The following MYO1F variants were observed in gnomAD, a reference collection of about 807,000 sequenced individuals.
MYO1F encodes the protein myosin IF.
In MYO1F, 60 loss-of-function variants were observed where a neutral mutation model predicts 146.6. The ratio of observed to expected loss-of-function variants is 0.41; its 90% confidence interval spans 0.33 to 0.51. MYO1F has a LOEUF of 0.51. Ranked by LOEUF, MYO1F falls within the 20% of genes least tolerant of loss-of-function variation. MYO1F has a pLI of 0.25. For missense variants in MYO1F, 1,274 were observed against 1,534.3 expected (o/e 0.83, Z 2.83); for synonymous variants, 602 against 602.1 (o/e 1.00, Z 0.00).
chr19:8,526,494 G>A lies in MYO1F; in HGVS notation c.2729C>T (p.Thr910Ile). Residue 910 changes from threonine to isoleucine, a missense_variant, in exon 24 of 28, where the codon ACC becomes ATC. Thr to Ile is a moderately conservative substitution (Grantham distance 89). Coordinates refer to ENST00000644032, the MANE Select transcript of MYO1F (RefSeq NM_012335.4). The stretch of plus-strand genomic sequence containing the variant: ...CCCATCGCCCACGCTGACCGTGAGG[G>A]TCCGACCGCCAACCTTGAGCACTGC... ...DLAVLKVGGRTLTVSVGDGLP... is the reference protein window; with the variant it reads ...DLAVLKVGGRILTVSVGDGLP... 1.9e-6 allele frequency: 3 copies of A among 1,572,012 alleles called. No homozygotes were observed. In the African/African-American group the frequency reaches 4.0e-5, roughly 21 times the overall value.
Position 8,577,269 on chromosome 19 carries a change from C to G in MYO1F, c.3+38G>C. On this transcript the variant is annotated intron_variant, in intron 1 of 27. Transcript: ENST00000644032. This position sits in a 1 kb window ranked among gnomAD's most constrained non-coding sequence, Gnocchi z 4.3. The stretch of plus-strand genomic sequence containing the variant: ...CACCTCCACCTGGCTGGTGTCCCTC[C>G]TCTTTCTTCTTCCAGATCCCACCCT... 1 of 1,612,590 alleles carries G rather than the reference C, an allele frequency of 6.2e-7. No homozygotes were observed. The highest frequency in any genetic ancestry group is 8.5e-7 in the Non-Finnish European group (1 of 1,179,196).
At chr19:8,540,122 A>C in intron 15 of MYO1F, 94 bp from the exon 16 acceptor site, 1 of 909,134 alleles carries the variant, frequency 1.1e-6, no homozygotes, top group East Asian at 2.6e-5. Flanking sequence ...GCCGCAACGC[A>C]AAATATGGTT....
intron 24 of MYO1F, 127 bp downstream of exon 24, chr19:8,526,326 T>TA (rs945664533): frequency 7.0e-6 from 10 of 1,438,260 alleles, no homozygotes; most frequent in Admixed American, 4.0e-5. Flanking sequence ...GACTCCGTCT[T>TA]AAAAAAACCA....
intron 19 of MYO1F, among the ~76,000 whole-genome samples, chr19:8,531,100 C>T (rs1171342075): frequency 6.6e-6 from 1 of 151,950 alleles, no homozygotes; most frequent in Non-Finnish European, 1.5e-5. Context: ...ATAATCCCAG[C>T]GCCTTGGGAG....
In MYO1F at chr19:8,543,129, C is replaced by G. The variant is rs139317228; in HGVS notation, c.1525-1138G>C. On this transcript the variant is annotated intron_variant, in intron 14 of 27. Coordinates refer to ENST00000644032, the MANE Select transcript of MYO1F (RefSeq NM_012335.4). The stretch of plus-strand genomic sequence containing the variant: ...ATGTTGGCCAGGCTGGTCTTGAACT[C>G]CTGACCTCAGGTGATCCACCCGCCT... Among the ~76,000 whole-genome samples the G allele has an allele frequency of 8.2e-3, 1,241 of 152,068 alleles. 5 individuals are homozygous for G. Among genetic ancestry groups the G allele is most frequent in the Middle Eastern group, 0.014 (4 of 294 alleles).
At chr19:8,562,158 TTTTTC>T (rs1027634927) in intron 1 of MYO1F, among the ~76,000 whole-genome samples, 21 of 144,974 alleles carry the variant, frequency 1.4e-4, no homozygotes, top group African/African-American at 5.6e-4. Flanking sequence ...CCCGGCTAAT[TTTTTC>T]TTTTTTTTTT....
In MYO1F at chr19:8,545,653, C is replaced by T. The variant is rs777703212; in HGVS notation, c.1353G>A (p.Lys451=). 26 of 1,613,670 alleles carry T rather than the reference C, an allele frequency of 1.6e-5. No individual in the cohort carries two copies. Among genetic ancestry groups the T allele is most frequent in the Non-Finnish European group, 3.4e-6 (4 of 1,179,710 alleles). ...NKVVCDLIEN[K]LSPPGIMSVL... is the part of the protein sequence containing the mutation. ...CCAAAGTTGACCCAGCCCTCACCAG[C>T]TTGTTTTCGATGAGGTCACAGACGA... The change falls in exon 13 of 28, where the codon AAG becomes AAA. Residue 451 remains lysine, a synonymous_variant. Transcript: ENST00000644032.
At chr19:8,561,723 T>G (rs1307761750) in intron 1 of MYO1F, among the ~76,000 whole-genome samples, 2 of 151,142 alleles carry the variant, frequency 1.3e-5, no homozygotes, top group African/African-American at 2.4e-5. Flanking sequence ...CTATCTTTTT[T>G]TTTGTTTGTT....
chr19:8,577,180 C>T lies in MYO1F; in HGVS notation c.3+127G>A, dbSNP rs2042253125. On this transcript the variant is annotated intron_variant, in intron 1 of 27. Transcript: ENST00000644032. The surrounding 1 kb of genome is among the most constrained non-coding windows in gnomAD (Gnocchi z 4.3). The stretch of plus-strand genomic sequence containing the variant: ...CACCTGAGCTGCACTGAGAGACACC[C>T]CACCCCCACAGAAGTCCACCATGCC... 1.7e-6 allele frequency: 2 copies of T among 1,145,562 alleles called. No homozygotes were observed. Among genetic ancestry groups the T allele is most frequent in the African/African-American group, 1.5e-5 (1 of 64,902 alleles). 71.0% of individuals were successfully genotyped at this position (1,145,562 alleles called of 1,614,324 possible).
chr19:8,526,428 C>G (rs1369758470), intron 24 of MYO1F, 25 bp downstream of exon 24: 8 of 1,550,220 alleles, frequency 5.2e-6, no homozygotes, highest in Non-Finnish European at 7.0e-6. Flanking sequence ...CCCGCCCCCT[C>G]TGCCCTAGTT....
intron 1 of MYO1F, among the ~76,000 whole-genome samples, chr19:8,568,208 G>A (rs1434314276): frequency 6.6e-6 from 1 of 152,002 alleles, no homozygotes; most frequent in East Asian, 1.9e-4. Flanking sequence ...TGGATCACGA[G>A]GTCAGGAGAT....
chr19:8,532,898 AAAAATACACAC>A (rs1457659528), intron 19 of MYO1F, among the ~76,000 whole-genome samples: 1 of 121,460 alleles, frequency 8.2e-6, no homozygotes, highest in East Asian at 2.7e-4. Flanking sequence ...AGAAAAAAAA[AAAAATACACAC>A]ACACACACAC....
chr19:8,536,313 T>C lies in MYO1F; in HGVS notation c.1982A>G (p.Asn661Ser), dbSNP rs769328708. The change falls in exon 19 of 28, where the codon AAC becomes AGC. Residue 661 changes from asparagine (N) to serine (S), a missense_variant. Physicochemically the swap from Asn to Ser is conservative, Grantham distance 46. Around this residue, in one of 2 missense-constraint regions of MYO1F, gnomAD observed 900 missense variants for 1,155.1 expected, o/e 0.78. Transcript: ENST00000644032. ...QGVQHLLRAV[N>S]MEPDQYQMGS... ...CATCTGGTACTGGTCGGGCTCCATG[T>C]TGACCGCCCGAAGCAGGTGCTGGAC... is the stretch of plus-strand genomic sequence containing the variant. The C allele has an allele frequency of 1.9e-6, 3 of 1,608,084 alleles. No homozygotes were observed. The highest frequency in any genetic ancestry group is 2.7e-5 in the African/African-American group (2 of 74,794).
At chr19:8,568,211 C>G (rs2042041168) in intron 1 of MYO1F, among the ~76,000 whole-genome samples, 1 of 151,900 alleles carries the variant, frequency 6.6e-6, no homozygotes, top group Middle Eastern at 3.2e-3. Context: ...ATCACGAGGT[C>G]AGGAGATCGA....
Position 8,555,663 on chromosome 19 carries a change from A to T in MYO1F, c.137T>A (p.Ile46Asn). 1 of 1,613,998 alleles carries T rather than the reference A, an allele frequency of 6.2e-7. No individual in the cohort carries two copies. ...NLRKRFMDDY[I>N]FTYIGSVLIS... ...CCCAGCCTTGGCCCAGGGTACGAAG[A>T]TGTAGTCGTCCATGAAGCGCTTCCG... The change falls in exon 2 of 28, where the codon ATC becomes AAC. Residue 46 changes from isoleucine to asparagine, a missense_variant. Ile to Asn is a moderately radical substitution (Grantham distance 149, BLOSUM62 -3). Transcript: ENST00000644032.
Position 8,552,228 on chromosome 19 carries a change from G to A in MYO1F, c.505-64C>T, listed in dbSNP as rs968862160. 184 of 1,577,944 alleles carry A rather than the reference G, an allele frequency of 1.2e-4. 1 individual carries two copies. The highest frequency in any genetic ancestry group is 1.6e-4 in the Non-Finnish European group (180 of 1,147,816). ...GGGGTGCAGGTGGGGGAAGGGTTGG[G>A]GATGGGTCTTATGAGCCTTGCCTCT... On this transcript the variant is annotated intron_variant, in intron 6 of 27. Transcript: ENST00000644032.
At chr19:8,538,016 G>C (rs1017856749) in intron 16 of MYO1F, among the ~76,000 whole-genome samples, 1 of 152,034 alleles carries the variant, frequency 6.6e-6, no homozygotes, top group Non-Finnish European at 1.5e-5. Flanking sequence ...TCTGTTGCCA[G>C]GCTGGAGTGC....
chr19:8,522,284 A>C (rs1972091407), intron 27 of MYO1F, 93 bp downstream of exon 27: 1 of 1,546,924 alleles, frequency 6.5e-7, no homozygotes, highest in South Asian at 1.1e-5. Context: ...GGCCTCCCAA[A>C]ATGCTGGGAT....
intron 25 of MYO1F, among the ~76,000 whole-genome samples, chr19:8,524,247 T>C (rs908421327): frequency 6.6e-5 from 10 of 151,188 alleles, no homozygotes; most frequent in Non-Finnish European, 1.2e-4. Context: ...GGTGAAACCT[T>C]GTCTCTACTA....
Sources: allele counts gnomAD v4.1 joint callset (sites outside exome capture counted in the v4.1 genomes callset), GRCh38; gene constraint gnomAD v4.1.1; regional missense constraint gnomAD v4.1.1; non-coding constraint Gnocchi (gnomAD v3.1); transcripts MANE v1.5; gene names NCBI Gene and HGNC (gene_info 2026-07-23, HGNC 2026-07-21).